USP54: variants seen among roughly 807,000 people sequenced by gnomAD.
USP54 encodes ubiquitin specific peptidase 54.
In USP54, 87 loss-of-function variants were observed where a neutral mutation model predicts 170.5. The observed-to-expected ratio is 0.51, with a 90% CI of 0.43 to 0.61. The LOEUF (loss-of-function observed/expected upper bound fraction) is 0.61, where lower values mean the gene tolerates loss of function less well. Ranked by LOEUF, USP54 falls within the 20% of genes least tolerant of loss-of-function variation. USP54 has a pLI of 0.00. For missense variants in USP54, 1,786 were observed against 2,047.8 expected (o/e 0.87, Z 2.47); for synonymous variants, 655 against 742.8 (o/e 0.88, Z 1.92).
At chr10:73,512,021 C>G (rs542551718) in intron 20 of USP54, among the ~76,000 whole-genome samples, 1 of 152,244 alleles carries the variant, frequency 6.6e-6, no homozygotes, top group African/African-American at 2.4e-5. Context: ...GCTGGGATTA[C>G]AGGCGTGAGC....
rs188447047 is a variant in USP54, at chr10:73,527,515, A to G, written c.2061-735T>C. On this transcript the variant is annotated intron_variant, in intron 15 of 23. Transcript: ENST00000687698. Reference sequence around the variant, plus strand: ...CTCCATCTCAAAAAAAAAAAAAAAAAAAAGAAAACAGAAAAATTGCCTCTG... The same window carrying G: ...CTCCATCTCAAAAAAAAAAAAAAAAGAAAGAAAACAGAAAAATTGCCTCTG... 2.1e-3 allele frequency among the ~76,000 whole-genome samples: 315 copies of G among 151,376 alleles called. 1 individual carries two copies. Among genetic ancestry groups the G allele is most frequent in the Non-Finnish European group, 2.7e-3 (181 of 67,810 alleles).
intron 10 of USP54, among the ~76,000 whole-genome samples, chr10:73,536,848 T>G (rs985520235): frequency 6.6e-6 from 1 of 152,196 alleles, no homozygotes; most frequent in Admixed American, 6.5e-5. Flanking sequence ...TCCCAAATAT[T>G]AAAATCACTT....
rs762047940 is a variant in USP54, at chr10:73,498,939, G to T, written c.4745C>A (p.Pro1582His). The T allele has an allele frequency of 6.2e-7, 1 of 1,614,182 alleles. No homozygotes were observed. The highest frequency in any genetic ancestry group is 1.1e-5 in the South Asian group (1 of 91,084). ...AAGATCACTCCAGGACTGAGTGTGA[G>T]GAACCTGAAGGCCCTTGCTTCTTTC... Reference protein sequence around the residue: ...LPERSKGLQVPHTQSWSDLFH... With the variant: ...LPERSKGLQVHHTQSWSDLFH... The change falls in exon 24 of 24, where the codon CCT becomes CAT. Residue 1582 changes from proline (P) to histidine (H), a missense_variant. Transcript: ENST00000687698.
At chr10:73,507,395 C>T (rs1428160702) in intron 20 of USP54, 1 of 152,142 alleles carries the variant, frequency 6.6e-6, no homozygotes, top group Admixed American at 6.6e-5. Flanking sequence ...ACAGCTAAGG[C>T]TGGGTGCGGT....
intron 11 of USP54, 46 bp from the exon 12 acceptor site, chr10:73,534,816 C>T: frequency 6.4e-7 from 1 of 1,574,618 alleles, no homozygotes. Context: ...GGAAACAGAA[C>T]AGTAGCAAAG....
chr10:73,570,494 T>C (rs889262069), intron 4 of USP54, among the ~76,000 whole-genome samples: 4 of 150,056 alleles, frequency 2.7e-5, no homozygotes, highest in Non-Finnish European at 5.9e-5. Flanking sequence ...AGTGTGGTAA[T>C]GGGAAACTAG....
intron 21 of USP54, 104 bp from the exon 22 acceptor site, chr10:73,505,094 T>C: frequency 6.7e-7 from 1 of 1,501,446 alleles, no homozygotes; most frequent in African/African-American, 1.4e-5. Flanking sequence ...GAAGACTCAG[T>C]AGTAATAGAC....
In USP54 at chr10:73,504,838, G is replaced by T; in HGVS notation, c.4311+12C>A. 6.2e-7 allele frequency: 1 copy of T among 1,614,186 alleles called. No homozygotes were observed. Among genetic ancestry groups the T allele is most frequent in the Non-Finnish European group, 8.5e-7 (1 of 1,180,032 alleles). ...AGGGTGCTCTGAATAGATGGACCCT[G>T]ATTCTACTTACAAAACTGTGGGAAG... On this transcript the variant is annotated intron_variant, in intron 22 of 23. Coordinates refer to ENST00000687698, the MANE Select transcript of USP54 (RefSeq NM_001391956.1).
rs1288273053 is a variant in USP54, at chr10:73,526,740, A to G, written c.2101T>C (p.Trp701Arg). 1.9e-6 allele frequency: 3 copies of G among 1,614,036 alleles called. No individual in the cohort carries two copies. The African/African-American group carries it at 4.0e-5, about 22-fold the overall frequency. The change falls in exon 16 of 24, where the codon TGG (tryptophan) becomes CGG (arginine). Residue 701 changes from tryptophan (W) to arginine (R), a missense_variant. Trp to Arg is a moderately radical substitution (Grantham distance 101, BLOSUM62 -3). Transcript: ENST00000687698. ...CTGTGCGACTTTGGGATATGACGCC[A>G]GGAAGGAACCAACCCAGCTGATCTC... ...AKRSAGLVPS[W>R]RHIPKSHSSS...
Position 73,571,473 on chromosome 10 carries a change from T to C in USP54, c.188A>G (p.Gln63Arg), listed in dbSNP as rs1365898867. Residue 63 changes from glutamine to arginine, a missense_variant, in exon 4 of 24, where the codon CAG becomes CGG. Gln to Arg is a conservative substitution (Grantham distance 43). Coordinates refer to ENST00000687698, the MANE Select transcript of USP54 (RefSeq NM_001391956.1). ...TCCCATGCACTTGTGAGTTGTAAGC[T>C]GCCTAAAGCTACGTCGGAAGATATC... ...HLDIFRRSFR[Q>R]LTTHKCMGDS... 4 of 1,614,038 alleles carry C rather than the reference T, an allele frequency of 2.5e-6. No individual in the cohort carries two copies. In the African/African-American group the frequency reaches 5.3e-5, roughly 22 times the overall value.
chr10:73,546,533 C>G (rs768204021), intron 4 of USP54: 1 of 152,156 alleles, frequency 6.6e-6, no homozygotes, highest in East Asian at 1.9e-4. Context: ...TGGGGTCTCA[C>G]CATGTTGTCC....
At chr10:73,599,031 A>G (rs979954225) in intron 1 of USP54, among the ~76,000 whole-genome samples, 14 of 152,166 alleles carry the variant, frequency 9.2e-5, no homozygotes, top group African/African-American at 3.4e-4. Context: ...GTGAGCCGAG[A>G]TCACGCCACT....
intron 4 of USP54, among the ~76,000 whole-genome samples, chr10:73,569,001 T>A (rs2074431991): frequency 6.6e-6 from 1 of 151,946 alleles, no homozygotes; most frequent in African/African-American, 2.4e-5. Flanking sequence ...TTCTCCAGAG[T>A]CCCACCCAGA....
Position 73,517,108 on chromosome 10 carries a change from C to G in USP54, c.3318G>C (p.Leu1106Phe). Residue 1106 changes from leucine (L) to phenylalanine (F), a missense_variant, in exon 20 of 24, where the codon TTG becomes TTC. Physicochemically the swap from Leu to Phe is conservative, Grantham distance 22 (BLOSUM62 0). Transcript: ENST00000687698. ...CACTGCCTCTGTCCACTTTTAAAGT[C>G]AATGAAGTTTTGAGGCTTTGGCCTT... The part of the protein sequence containing the change: ...CLQGQSLKTS[L>F]TLKVDRGSEE... 1 of 1,614,216 alleles carries G rather than the reference C, an allele frequency of 6.2e-7. No individual in the cohort carries two copies. Among genetic ancestry groups the G allele is most frequent in the Non-Finnish European group, 8.5e-7 (1 of 1,180,042 alleles).
intron 1 of USP54, among the ~76,000 whole-genome samples, chr10:73,589,516 C>G (rs2077967128): frequency 6.6e-6 from 1 of 152,114 alleles, no homozygotes; most frequent in Non-Finnish European, 1.5e-5. Flanking sequence ...TCATTTAGAA[C>G]CAGAGATTTT....
chr10:73,590,063 T>C (rs1214043553), intron 1 of USP54, among the ~76,000 whole-genome samples: 1 of 152,196 alleles, frequency 6.6e-6, no homozygotes, highest in African/African-American at 2.4e-5. Flanking sequence ...AACTACATGT[T>C]TGGCACTGCG....
In USP54 at chr10:73,505,357, G is replaced by A. The variant is rs148989002; in HGVS notation, c.4121C>T (p.Ala1374Val). 11 of 1,613,930 alleles carry A rather than the reference G, an allele frequency of 6.8e-6. No homozygotes were observed. Among genetic ancestry groups the A allele is most frequent in the Non-Finnish European group, 9.3e-6 (11 of 1,180,020 alleles). Residue 1374 changes from alanine (A) to valine (V), a missense_variant, in exon 21 of 24, where the codon GCA becomes GTA. Coordinates refer to ENST00000687698, the MANE Select transcript of USP54 (RefSeq NM_001391956.1). ...HDPGLSKTST[A>V]EMEHGLHEAR... The stretch of plus-strand genomic sequence containing the variant: ...TTCATGGAGACCATGCTCCATTTCT[G>A]CTGTTGAAGTCTTTGAGAGACCAGG...
At chr10:73,555,796 T>C (rs906421667) in intron 4 of USP54, among the ~76,000 whole-genome samples, 3 of 152,216 alleles carry the variant, frequency 2.0e-5, no homozygotes, top group Non-Finnish European at 4.4e-5. Flanking sequence ...TGAGATTGTC[T>C]AAACTGTAGG....
intron 15 of USP54, among the ~76,000 whole-genome samples, chr10:73,527,337 A>AAT (rs2133370864): frequency 6.6e-6 from 1 of 152,024 alleles, no homozygotes; most frequent in African/African-American, 2.4e-5. Flanking sequence ...ATCTCTACTA[A>AAT]AATTACAAAA....
Sources: gnomAD v4.1 joint callset for allele counts (sites outside exome capture counted in the v4.1 genomes callset) on GRCh38, gnomAD v4.1.1 for gene constraint, MANE v1.5 for transcripts, NCBI Gene and HGNC (gene_info 2026-07-23, HGNC 2026-07-21) for gene names.